The following NAV2 variants were observed in gnomAD, a reference collection of about 807,000 sequenced individuals.
NAV2 encodes the protein neuron navigator 2, also known as helicase, APC down-regulated 1.
Under a neutral mutation model 223.2 loss-of-function variants are expected in NAV2, and 54 were observed. The ratio of observed to expected loss-of-function variants is 0.24; its 90% CI spans 0.19 to 0.30. The LOEUF is 0.30. Among genes scored for constraint, NAV2 ranks in the 10% least tolerant of loss-of-function variants. The probability of loss-of-function intolerance (pLI) is 1.00; values close to 1 mark genes in which losing one functional copy is unlikely to be tolerated. For missense variants in NAV2, 2,806 were observed against 3,147.5 expected, an observed-to-expected ratio of 0.89 and a Z score of 2.60; for synonymous variants, 1,279 against 1,239.3, an observed-to-expected ratio of 1.03 and a Z score of -0.67.
chr11:19,563,284 A>G (rs2134791702), intron 1 of NAV2, among the ~76,000 whole-genome samples: 1 of 152,316 alleles, frequency 6.6e-6, no homozygotes, highest in East Asian at 1.9e-4. Flanking sequence ...TCACTTCCCC[A>G]GTCTCTCTTC....
chr11:19,917,070 G>A (rs749214195), intron 6 of NAV2, among the ~76,000 whole-genome samples: 11 of 152,222 alleles, frequency 7.2e-5, no homozygotes, highest in Non-Finnish European at 1.6e-4. Flanking sequence ...CAATGCTGGT[G>A]TAACTAAGAG....
At chr11:19,689,131 T>G (rs966883549) in intron 1 of NAV2, among the ~76,000 whole-genome samples, 4 of 152,162 alleles carry the variant, frequency 2.6e-5, no homozygotes, top group African/African-American at 9.7e-5. Flanking sequence ...CATTCTTGGC[T>G]GCCCTGGTCA....
chr11:20,078,449 T>A (rs918420203), intron 24 of NAV2, among the ~76,000 whole-genome samples: 1 of 152,232 alleles, frequency 6.6e-6, no homozygotes, highest in Non-Finnish European at 1.5e-5. Flanking sequence ...CCTCCCTTAT[T>A]TGTCCAAGAA....
At chr11:19,792,929 C>T (rs1473151394) in intron 1 of NAV2, among the ~76,000 whole-genome samples, 1 of 151,342 alleles carries the variant, frequency 6.6e-6, no homozygotes, top group Non-Finnish European at 1.5e-5. Context: ...AAAAAAGAGG[C>T]TGGATGCAGT....
At chr11:19,668,613 T>C (rs2048494388) in intron 1 of NAV2, among the ~76,000 whole-genome samples, 1 of 151,114 alleles carries the variant, frequency 6.6e-6, no homozygotes, top group Admixed American at 6.6e-5. Flanking sequence ...TCAGTGATGA[T>C]CTTGCATCAT....
At chr11:19,419,765 G>A (rs945210735) in intron 1 of NAV2, among the ~76,000 whole-genome samples, 2 of 152,176 alleles carry the variant, frequency 1.3e-5, no homozygotes, top group Non-Finnish European at 2.9e-5. Context: ...GAGAAATGGA[G>A]AAGAAGTGAA....
chr11:19,488,389 G>A (rs2042516386), intron 1 of NAV2, among the ~76,000 whole-genome samples: 1 of 152,224 alleles, frequency 6.6e-6, no homozygotes, highest in African/African-American at 2.4e-5. Context: ...TGCTAAACAG[G>A]AATGGCTATG....
intron 22 of NAV2, among the ~76,000 whole-genome samples, chr11:20,075,787 C>A (rs573924694): frequency 2.6e-4 from 39 of 151,402 alleles, no homozygotes; most frequent in African/African-American, 9.2e-4. Context: ...ACCCACCCCC[C>A]ATGCTTATCC....
chr11:19,548,712 C>T (rs146703043), intron 1 of NAV2, among the ~76,000 whole-genome samples: 1 of 127,002 alleles, frequency 7.9e-6, no homozygotes, highest in South Asian at 2.6e-4. Flanking sequence ...ACTAAAGATA[C>T]AAAAAAAAAA....
rs542393594 is a variant in NAV2, at chr11:19,532,026, T to A, written c.75+180999T>A. ...ATAAAGAGAAAGAAAAAAAATTAGG[T>A]TGGTGCAAAAGTAATTGTGGTGTTT... is the stretch of plus-strand genomic sequence containing the variant. On this transcript the variant is annotated intron_variant, in intron 1 of 37. Coordinates refer to the NAV2 transcript ENST00000360655. Among the ~76,000 whole-genome samples, 16 of 152,136 alleles carry A rather than the reference T, an allele frequency of 1.1e-4. 1 individual carries two copies. The East Asian group carries it at 3.1e-3, about 29-fold the overall frequency.
chr11:20,084,014 G>A (rs768962555), intron 26 of NAV2, among the ~76,000 whole-genome samples: 1 of 152,226 alleles, frequency 6.6e-6, no homozygotes, highest in African/African-American at 2.4e-5. Context: ...CTGTCCAGAG[G>A]CCAGATCTTT....
At chr11:19,715,740 A>G (rs932225484) in intron 1 of NAV2, among the ~76,000 whole-genome samples, 29 of 152,120 alleles carry the variant, frequency 1.9e-4, no homozygotes, top group Admixed American at 1.6e-3. Flanking sequence ...GGAACAGTCC[A>G]CTTCCCTCAA....
intron 1 of NAV2, among the ~76,000 whole-genome samples, chr11:19,376,633 G>A (rs537004747): frequency 6.6e-6 from 1 of 152,274 alleles, no homozygotes; most frequent in Non-Finnish European, 1.5e-5. Context: ...CATCCAAAAC[G>A]TTTATGAAAG....
At chr11:20,061,332 G>A (rs2058686235) in intron 19 of NAV2, among the ~76,000 whole-genome samples, 1 of 98,502 alleles carries the variant, frequency 1.0e-5, no homozygotes, top group Admixed American at 9.4e-5. Flanking sequence ...CACTTTGGGA[G>A]GCCAAGCTGG....
intron 2 of NAV2, among the ~76,000 whole-genome samples, chr11:19,840,837 C>T (rs1167444290): frequency 1.3e-5 from 2 of 152,146 alleles, no homozygotes; most frequent in Non-Finnish European, 2.9e-5. Context: ...TTCCACTCAA[C>T]AAGTATTTAT....
At chr11:20,031,734 TTGTGTG>T (rs5790104) in intron 11 of NAV2, among the ~76,000 whole-genome samples, 17 of 149,196 alleles carry the variant, frequency 1.1e-4, no homozygotes, top group Admixed American at 4.7e-4. Flanking sequence ...CATTTTCGCT[TTGTGTG>T]TGTGTGTGTG....
Position 19,946,428 on chromosome 11 carries a change from G to A in NAV2, c.2174G>A (p.Arg725Gln), listed in dbSNP as rs769722553. 2.3e-5 allele frequency: 37 copies of A among 1,613,028 alleles called. No individual in the cohort carries two copies. The highest frequency in any genetic ancestry group is 6.7e-5 in the East Asian group (3 of 44,858). The change falls in exon 9 of 38, where the codon CGG becomes CAG. Residue 725 changes from arginine to glutamine, a missense_variant. Around this residue, in one of 4 missense-constraint regions of NAV2, gnomAD observed 1,167 missense variants for 1,180.5 expected, o/e 0.99. Coordinates refer to ENST00000349880, the MANE Select transcript of NAV2 (RefSeq NM_145117.5). ...GAAGATCCTGAGGCTCGGCGGCTGC[G>A]GACAGTGAAGAACATCGCTGATCTG... ...TGEDPEARRL[R>Q]TVKNIADLRQ...
At chr11:19,382,180 G>A (rs929334739) in intron 1 of NAV2, among the ~76,000 whole-genome samples, 4 of 152,228 alleles carry the variant, frequency 2.6e-5, no homozygotes, top group Admixed American at 6.5e-5. Flanking sequence ...TGGCGCCTGA[G>A]GGGGAAGGGC....
At position 20,049,110 on chromosome 11, in the gene NAV2, T is replaced by G. The variant is rs1564929119; in HGVS notation, c.4285T>G (p.Ser1429Ala). 1 of 1,614,032 alleles carries G rather than the reference T, an allele frequency of 6.2e-7. No homozygotes were observed. The highest frequency in any genetic ancestry group is 1.3e-5 in the African/African-American group (1 of 74,970). The change falls in exon 15 of 38, where the codon TCC (serine) becomes GCC (alanine). Residue 1429 changes from serine (S) to alanine (A), a missense_variant. Ser to Ala is a moderately conservative substitution (Grantham distance 99). Around this residue, in one of 4 missense-constraint regions of NAV2, gnomAD observed 742 missense variants for 777.9 expected, o/e 0.95. Transcript: ENST00000349880. The part of the protein sequence containing the change: ...SSGGVPSHNS[S>A]TGLIASSKDD... ...TGGAGGGGTCCCCAGCCACAATTCTTCCACTGGCCTCATCGCCTCCTCCAA... is the reference window on the plus strand; with the variant it reads ...TGGAGGGGTCCCCAGCCACAATTCTGCCACTGGCCTCATCGCCTCCTCCAA...
Sources: gnomAD v4.1 joint callset for allele counts (sites outside exome capture counted in the v4.1 genomes callset) on GRCh38, gnomAD v4.1.1 for gene constraint, gnomAD v4.1.1 regional missense constraint, MANE v1.5 for transcripts, NCBI Gene and HGNC (gene_info 2026-07-23, HGNC 2026-07-21) for gene names.